The following CDC20B variants were observed in gnomAD, a reference collection of about 807,000 sequenced individuals.
CDC20B encodes cell division cycle protein 20 homolog B.
CDC20B carries 58 observed loss-of-function variants against 64.1 expected under a neutral mutation model. That is an observed-to-expected ratio of 0.90 (90% CI 0.73 to 1.13). The LOEUF is 1.13. Ranked by LOEUF, CDC20B falls within the 50% of genes most tolerant of loss-of-function variation. The probability of loss-of-function intolerance (pLI) is 0.00; values close to 1 mark genes in which losing one functional copy is unlikely to be tolerated. For synonymous variants in CDC20B, 243 were observed against 230.6 expected (o/e 1.05, Z -0.49); for missense variants, 597 against 633.0 (o/e 0.94, Z 0.61).
intron 6 of CDC20B, among the ~76,000 whole-genome samples, chr5:55,130,990 T>A (rs543019783): frequency 6.6e-6 from 1 of 151,930 alleles, no homozygotes; most frequent in African/African-American, 2.4e-5. Context: ...GGCATGGTGA[T>A]ATGTGCCTGT....
intron 11 of CDC20B, among the ~76,000 whole-genome samples, chr5:55,118,194 C>A (rs1328540645): frequency 6.6e-6 from 1 of 152,098 alleles, no homozygotes; most frequent in Non-Finnish European, 1.5e-5. Flanking sequence ...TCCAAACTTA[C>A]TGACCACATG....
intron 11 of CDC20B, among the ~76,000 whole-genome samples, chr5:55,119,268 G>T (rs919724802): frequency 2.6e-5 from 4 of 152,112 alleles, no homozygotes; most frequent in Non-Finnish European, 5.9e-5. Flanking sequence ...CACAAAAGAG[G>T]ATTTAAGGCC....
chr5:55,162,874 A>C (rs989097680), intron 2 of CDC20B, among the ~76,000 whole-genome samples: 1 of 152,222 alleles, frequency 6.6e-6, no homozygotes, highest in African/African-American at 2.4e-5. Context: ...CTTAGATAGG[A>C]AGGATCATAG....
At chr5:55,158,812 G>T (rs927561408) in intron 2 of CDC20B, among the ~76,000 whole-genome samples, 3 of 152,046 alleles carry the variant, frequency 2.0e-5, no homozygotes, top group Non-Finnish European at 4.4e-5. Context: ...ATTCATGACC[G>T]TTAGCAACAG....
intron 5 of CDC20B, among the ~76,000 whole-genome samples, chr5:55,139,103 C>G (rs1293571978): frequency 2.7e-5 from 4 of 150,872 alleles, no homozygotes; most frequent in Non-Finnish European, 5.9e-5. Context: ...TCTTAGAACA[C>G]TGGTGATAAA....
At chr5:55,171,887 G>A (rs994930423) in intron 2 of CDC20B, among the ~76,000 whole-genome samples, 5 of 152,194 alleles carry the variant, frequency 3.3e-5, no homozygotes, top group African/African-American at 9.7e-5. Flanking sequence ...TTACAGGCAT[G>A]AGCCACAGTG....
Position 55,114,068 on chromosome 5 carries a change from T to A in CDC20B, c.*150A>T. 2 of 1,340,798 alleles carry A rather than the reference T, an allele frequency of 1.5e-6. No individual in the cohort carries two copies. The highest frequency in any genetic ancestry group is 2.0e-4 in the Middle Eastern group (1 of 5,126). 83.1% of individuals were successfully genotyped at this position (1,340,798 alleles called of 1,614,324 possible). ...CTGGGAAGCAGAGCAAGTAAAGCAA[T>A]CTGCAAAAGAAGAACAGGAGAACAG... is the stretch of plus-strand genomic sequence containing the variant. On this transcript the variant is annotated 3_prime_UTR_variant, in exon 12 of 12. Transcript: ENST00000381375. The surrounding 1 kb of genome is among the most constrained non-coding windows in gnomAD (Gnocchi z 4.1).
intron 5 of CDC20B, chr5:55,137,610 G>A (rs574356851): frequency 6.8e-5 from 31 of 456,670 alleles, no homozygotes; most frequent in African/African-American, 4.4e-4. Flanking sequence ...TGTTCAAATC[G>A]TTTCTTCATG....
intron 2 of CDC20B, among the ~76,000 whole-genome samples, chr5:55,151,448 C>A (rs1171164025): frequency 6.6e-6 from 1 of 152,166 alleles, no homozygotes; most frequent in Non-Finnish European, 1.5e-5. Flanking sequence ...TTGCAGAAAA[C>A]ATGGCAGAGG....
chr5:55,117,014 A>G (rs1249540626), intron 11 of CDC20B, among the ~76,000 whole-genome samples: 2 of 152,182 alleles, frequency 1.3e-5, no homozygotes, highest in Non-Finnish European at 2.9e-5. Context: ...AAGTTCTAAG[A>G]ATACAGACAC....
intron 2 of CDC20B, chr5:55,170,622 G>A (rs369569862): frequency 8.0e-5 from 43 of 534,620 alleles, no homozygotes; most frequent in African/African-American, 6.7e-4. Context: ...ATCACACACA[G>A]GTATCCAGAG....
chr5:55,132,760 A>T (rs749636698), intron 6 of CDC20B, among the ~76,000 whole-genome samples: 1 of 152,178 alleles, frequency 6.6e-6, no homozygotes, highest in Non-Finnish European at 1.5e-5. Flanking sequence ...GTACCCACCT[A>T]TTCACCAGTC....
chr5:55,166,209 T>G (rs1048833946), intron 2 of CDC20B: 1 of 152,276 alleles, frequency 6.6e-6, no homozygotes, highest in Non-Finnish European at 1.5e-5. Flanking sequence ...CAGCAGAGAC[T>G]CCCCACTGCC....
intron 2 of CDC20B, among the ~76,000 whole-genome samples, chr5:55,171,303 A>G (rs561504696): frequency 1.3e-5 from 2 of 152,236 alleles, no homozygotes; most frequent in South Asian, 2.1e-4. Flanking sequence ...ACAAAGTGAG[A>G]CTCTGTCTCA....
In CDC20B at chr5:55,120,518, G is replaced by A. The variant is rs1198782458; in HGVS notation, c.1248C>T (p.Val416=). 1.2e-5 allele frequency: 19 copies of A among 1,613,688 alleles called. No individual in the cohort carries two copies. The highest frequency in any genetic ancestry group is 1.6e-5 in the Non-Finnish European group (19 of 1,179,770). ...AMDWCPWQSG[V]LAIGGGMKDG... is the part of the protein sequence containing the mutation. ...CCTTCATTCCTCCTCCAATGGCAAG[G>A]ACCCCAGACTGCCAGGGACACCAAT... The change falls in exon 10 of 12, where the codon GTC becomes GTT. Residue 416 remains valine (V), a synonymous_variant. Transcript: ENST00000381375.
At chr5:55,125,273 C>G (rs545523806) in intron 8 of CDC20B, among the ~76,000 whole-genome samples, 6 of 152,150 alleles carry the variant, frequency 3.9e-5, no homozygotes, top group Non-Finnish European at 8.8e-5. Flanking sequence ...ATAGATGTTT[C>G]TAATGACTTT....
chr5:55,162,672 C>T (rs1321734406), intron 2 of CDC20B, among the ~76,000 whole-genome samples: 1 of 152,250 alleles, frequency 6.6e-6, no homozygotes, highest in Non-Finnish European at 1.5e-5. Flanking sequence ...CTTTATTCCT[C>T]TTATTTTGAA....
At chr5:55,169,458 G>C (rs1744517806) in intron 2 of CDC20B, among the ~76,000 whole-genome samples, 1 of 152,186 alleles carries the variant, frequency 6.6e-6, no homozygotes, top group Admixed American at 6.5e-5. Flanking sequence ...TGCATGTCTG[G>C]AAGCCAGCAC....
At chr5:55,161,747 C>G (rs1744077304) in intron 2 of CDC20B, among the ~76,000 whole-genome samples, 1 of 152,130 alleles carries the variant, frequency 6.6e-6, no homozygotes, top group Non-Finnish European at 1.5e-5. Flanking sequence ...AATCCAAAAA[C>G]ATATAACTTG....
Sources: allele counts gnomAD v4.1 joint callset (sites outside exome capture counted in the v4.1 genomes callset), GRCh38; gene constraint gnomAD v4.1.1; non-coding constraint Gnocchi (gnomAD v3.1); transcripts MANE v1.5; gene names NCBI Gene and HGNC (gene_info 2026-07-23, HGNC 2026-07-21).